The following CADM2 variants were observed in gnomAD, a reference collection of about 807,000 sequenced individuals.
The protein encoded by CADM2 is immunoglobulin superfamily member 4D.
CADM2 carries 12 observed loss-of-function variants against 49.8 expected under a neutral mutation model. The ratio of observed to expected loss-of-function variants is 0.24; its 90% confidence interval spans 0.15 to 0.39. CADM2 has a LOEUF of 0.39. CADM2 is among the 10% of genes least tolerant of loss of function. The pLI, the probability that CADM2 is intolerant of heterozygous loss-of-function variation, is 1.00. For missense variants in CADM2, 378 were observed against 492.3 expected (o/e 0.77, Z 2.20); for synonymous variants, 214 against 175.4 (o/e 1.22, Z -1.74).
At chr3:84,972,062 C>G (rs1356259844) in intron 1 of CADM2, among the ~76,000 whole-genome samples, 1 of 152,104 alleles carries the variant, frequency 6.6e-6, no homozygotes, top group African/African-American at 2.4e-5. Flanking sequence ...TTGGAAGTGC[C>G]TTACAGCAGT....
At chr3:85,496,995 C>G (rs1174753227) in intron 1 of CADM2, among the ~76,000 whole-genome samples, 2 of 150,180 alleles carry the variant, frequency 1.3e-5, no homozygotes, top group Admixed American at 1.3e-4. Context: ...AGGCATGTGC[C>G]GTCATGCCCA....
chr3:85,622,674 A>G (rs752784131), intron 1 of CADM2, among the ~76,000 whole-genome samples: 28 of 152,230 alleles, frequency 1.8e-4, no homozygotes, highest in East Asian at 3.9e-4. Flanking sequence ...TTACTTTTCA[A>G]TAATCAAACT....
At chr3:85,544,488 A>G (rs984510406) in intron 1 of CADM2, among the ~76,000 whole-genome samples, 41 of 152,158 alleles carry the variant, frequency 2.7e-4, no homozygotes, top group South Asian at 1.0e-3. Context: ...GAGGCGGGTG[A>G]ATGGCGTGAA....
chr3:85,001,799 TTAAACA>T (rs1183187265), intron 1 of CADM2, among the ~76,000 whole-genome samples: 4 of 152,088 alleles, frequency 2.6e-5, no homozygotes, highest in Non-Finnish European at 5.9e-5. Context: ...TATTTTCTCT[TTAAACA>T]TAATTTATTT....
intron 8 of CADM2, among the ~76,000 whole-genome samples, chr3:85,978,741 C>T (rs913676538): frequency 2.0e-5 from 3 of 151,572 alleles, no homozygotes; most frequent in Non-Finnish European, 3.0e-5. Flanking sequence ...ACACATTGAT[C>T]GTTAACATTT....
intron 8 of CADM2, among the ~76,000 whole-genome samples, chr3:85,989,603 C>A (rs1394499099): frequency 6.6e-6 from 1 of 152,112 alleles, no homozygotes; most frequent in Non-Finnish European, 1.5e-5. Flanking sequence ...GAAGGAAGAA[C>A]AGAGATACGT....
intron 1 of CADM2, among the ~76,000 whole-genome samples, chr3:85,112,015 AAG>A (rs1484346698): frequency 6.6e-6 from 1 of 151,930 alleles, no homozygotes; most frequent in Non-Finnish European, 1.5e-5. Flanking sequence ...TGAGATTTCT[AAG>A]TACAACGTCT....
intron 1 of CADM2, among the ~76,000 whole-genome samples, chr3:84,990,904 AT>A (rs1393282431): frequency 6.6e-6 from 1 of 152,060 alleles, no homozygotes; most frequent in African/African-American, 2.4e-5. Flanking sequence ...GTATTTCACA[AT>A]TTTTTTCTTG....
intron 6 of CADM2, among the ~76,000 whole-genome samples, chr3:85,917,604 T>C (rs938993527): frequency 1.3e-5 from 2 of 152,210 alleles, no homozygotes; most frequent in African/African-American, 4.8e-5. Context: ...GGTAGCGTGA[T>C]GCCTCCAGCT....
At chr3:85,445,804 A>G (rs1293263573) in intron 1 of CADM2, among the ~76,000 whole-genome samples, 4 of 152,126 alleles carry the variant, frequency 2.6e-5, no homozygotes, top group Admixed American at 2.6e-4. Flanking sequence ...AGAAAAGGTA[A>G]CTATAACTTG....
chr3:86,002,284 T>C (rs1207701981), intron 8 of CADM2, among the ~76,000 whole-genome samples: 2 of 152,172 alleles, frequency 1.3e-5, no homozygotes, highest in Non-Finnish European at 2.9e-5. Context: ...ATCCACGGGA[T>C]CGATGTTGCT....
intron 1 of CADM2, among the ~76,000 whole-genome samples, chr3:85,313,372 G>A (rs1012373614): frequency 6.6e-6 from 1 of 152,172 alleles, no homozygotes; most frequent in Non-Finnish European, 1.5e-5. Context: ...TATTTGAAGT[G>A]TTGAAATGCT....
intron 1 of CADM2, among the ~76,000 whole-genome samples, chr3:85,504,051 T>C (rs2040219437): frequency 6.6e-6 from 1 of 152,198 alleles, no homozygotes; most frequent in South Asian, 2.1e-4. Flanking sequence ...GGGTTCTTGG[T>C]CTTACTGACT....
chr3:85,613,009 G>A (rs981492683), intron 1 of CADM2, among the ~76,000 whole-genome samples: 2 of 151,596 alleles, frequency 1.3e-5, no homozygotes, highest in African/African-American at 4.8e-5. Flanking sequence ...TACAGAGATG[G>A]AATGACAGAT....
intron 8 of CADM2, among the ~76,000 whole-genome samples, chr3:86,008,468 CATTTT>C (rs1226424965): frequency 6.6e-6 from 1 of 152,004 alleles, no homozygotes; most frequent in Non-Finnish European, 1.5e-5. Context: ...CTTATCAAAA[CATTTT>C]ATGTGCATTT....
At chr3:85,139,090 G>T (rs2039503371) in intron 1 of CADM2, among the ~76,000 whole-genome samples, 1 of 152,122 alleles carries the variant, frequency 6.6e-6, no homozygotes. Flanking sequence ...CTGTATACAA[G>T]GGTCAAGCAC....
chr3:85,757,395 GCAATTGAGGAGTCC>G (rs1360534070), intron 2 of CADM2, among the ~76,000 whole-genome samples: 1 of 152,056 alleles, frequency 6.6e-6, no homozygotes, highest in African/African-American at 2.4e-5. Context: ...TAAGGAGCTT[GCAATTGAGGAGTCC>G]CAATACTTTA....
At chr3:85,633,401 G>A (rs2064368912) in intron 1 of CADM2, among the ~76,000 whole-genome samples, 1 of 151,884 alleles carries the variant, frequency 6.6e-6, no homozygotes, top group Non-Finnish European at 1.5e-5. Flanking sequence ...TAGTGGTTTT[G>A]AGAAGAAAAA....
At chr3:85,946,833 C>G (rs1178102713) in intron 7 of CADM2, among the ~76,000 whole-genome samples, 1 of 152,072 alleles carries the variant, frequency 6.6e-6, no homozygotes, top group South Asian at 2.1e-4. Flanking sequence ...GACCTAAAAC[C>G]ATAAAAACCC....
Sources: allele counts gnomAD v4.1 joint callset (sites outside exome capture counted in the v4.1 genomes callset), GRCh38; gene constraint gnomAD v4.1.1; transcripts MANE v1.5; gene names NCBI Gene and HGNC (gene_info 2026-07-23, HGNC 2026-07-21).